The following ACO2 variants were observed in gnomAD, a reference collection of about 807,000 sequenced individuals.
ACO2 encodes the protein aconitate hydratase, mitochondrial.
In ACO2, 31 loss-of-function variants were observed where a neutral mutation model predicts 84.5. The observed-to-expected ratio is 0.37, with a 90% CI of 0.28 to 0.50. ACO2 has a LOEUF of 0.50. Ranked by LOEUF, ACO2 falls within the 20% of genes least tolerant of loss-of-function variation. The pLI is 0.97. For missense variants in ACO2, 685 were observed against 1,029.3 expected, an observed-to-expected ratio of 0.67 and a Z score of 4.58; for synonymous variants, 414 against 412.7, an observed-to-expected ratio of 1.00 and a Z score of -0.04.
intron 2 of ACO2, among the ~76,000 whole-genome samples, chr22:41,503,920 G>T (rs745663658): frequency 1.3e-5 from 2 of 152,102 alleles, no homozygotes; most frequent in Non-Finnish European, 2.9e-5. Context: ...ATGCTAAAAA[G>T]AATTATATTC....
At chr22:41,511,490 C>T (rs1399742379) in intron 3 of ACO2, among the ~76,000 whole-genome samples, 3 of 152,246 alleles carry the variant, frequency 2.0e-5, no homozygotes, top group Admixed American at 2.0e-4. Context: ...TAGGCCAGGG[C>T]CTGCCTCTGC....
chr22:41,494,773 AC>A (rs2066301193), intron 1 of ACO2, among the ~76,000 whole-genome samples: 1 of 134,650 alleles, frequency 7.4e-6, no homozygotes, highest in African/African-American at 2.8e-5. Context: ...TCACTCTGTC[AC>A]CCAGGCTGGA....
At position 41,522,870 on chromosome 22, in the gene ACO2, G is replaced by A. The variant is rs775964844; in HGVS notation, c.1179G>A (p.Met393Ile). 1.2e-6 allele frequency: 2 copies of A among 1,614,206 alleles called. No individual in the cohort carries two copies. Among genetic ancestry groups the A allele is most frequent in the East Asian group, 4.5e-5 (2 of 44,888 alleles). ...GCACCAATTCAAGCTATGAAGATAT[G>A]GGGCGCTCAGCAGCTGTGGCCAAGC... is the stretch of plus-strand genomic sequence containing the variant. ...GSCTNSSYED[M>I]GRSAAVAKQA... The change falls in exon 10 of 18, where the codon ATG (methionine) becomes ATA (isoleucine). Residue 393 changes from methionine (M) to isoleucine (I), a missense_variant. Coordinates refer to ENST00000216254, the MANE Select transcript of ACO2 (RefSeq NM_001098.3).
intron 1 of ACO2, among the ~76,000 whole-genome samples, chr22:41,470,528 C>CTTTTTTTTTTTTTTT (rs71184811): frequency 5.2e-5 from 5 of 95,858 alleles, no homozygotes; most frequent in Admixed American, 1.3e-4. Flanking sequence ...CTCTTTACAT[C>CTTTTTTTTTTTTTTT]TTTTTTTTTT....
At chr22:41,490,193 C>T (rs950691106) in intron 1 of ACO2, among the ~76,000 whole-genome samples, 2 of 151,998 alleles carry the variant, frequency 1.3e-5, no homozygotes, top group African/African-American at 2.4e-5. Flanking sequence ...CGTGGTAGCA[C>T]GTGCCTGTAG....
At chr22:41,528,086 C>T in intron 17 of ACO2, 64 bp downstream of exon 17, 4 of 1,607,960 alleles carry the variant, frequency 2.5e-6, no homozygotes, top group Non-Finnish European at 3.4e-6. Flanking sequence ...TCCCCTCCTG[C>T]ACTGGCCCCA....
chr22:41,483,089 C>T (rs2038108263), intron 1 of ACO2, among the ~76,000 whole-genome samples: 1 of 152,134 alleles, frequency 6.6e-6, no homozygotes, highest in Non-Finnish European at 1.5e-5. Flanking sequence ...CCCCTTTGTT[C>T]CCCAGAAAGT....
intron 1 of ACO2, among the ~76,000 whole-genome samples, chr22:41,488,097 A>C (rs927255963): frequency 3.3e-5 from 5 of 152,122 alleles, no homozygotes; most frequent in African/African-American, 4.8e-5. Context: ...TGAATCTTGC[A>C]CCTAATGTGC....
intron 1 of ACO2, among the ~76,000 whole-genome samples, chr22:41,472,684 C>T (rs893776452): frequency 6.6e-6 from 1 of 152,102 alleles, no homozygotes; most frequent in Non-Finnish European, 1.5e-5. Context: ...TTCCTGGGCT[C>T]AAGCAATCCT....
At chr22:41,528,385 G>A (rs2066648250) in intron 17 of ACO2, 94 bp from the exon 18 acceptor site, 3 of 1,531,606 alleles carry the variant, frequency 2.0e-6, no homozygotes, top group Non-Finnish European at 1.8e-6. Flanking sequence ...GACCTCTTAG[G>A]TCCCCAGGCA....
In ACO2 at chr22:41,476,282, C is replaced by G. The variant is rs151281930; in HGVS notation, c.36+7100C>G. ...ATTAGTCAGGTGTGGTGGCGCATGC[C>G]TGTAATCTCAGTTACTTTGTGGGCT... On this transcript the variant is annotated intron_variant, in intron 1 of 17. Coordinates refer to ENST00000216254, the MANE Select transcript of ACO2 (RefSeq NM_001098.3). Among the ~76,000 whole-genome samples the G allele has an allele frequency of 8.7e-3, 1,316 of 151,594 alleles. 14 individuals carry two copies. Among genetic ancestry groups the G allele is most frequent in the African/African-American group, 0.031 (1,266 of 41,266 alleles).
At chr22:41,488,299 A>T (rs1601889344) in intron 1 of ACO2, among the ~76,000 whole-genome samples, 1 of 152,120 alleles carries the variant, frequency 6.6e-6, no homozygotes, top group Middle Eastern at 3.4e-3. Context: ...GCTTTACCCT[A>T]CCCTAGCAGG....
At position 41,523,186 on chromosome 22, in the gene ACO2, C is replaced by T. The variant is rs765404984; in HGVS notation, c.1297-19C>T. The T allele has an allele frequency of 1.2e-6, 2 of 1,606,824 alleles. No individual in the cohort carries two copies. Among genetic ancestry groups the T allele is most frequent in the Non-Finnish European group, 1.7e-6 (2 of 1,175,594 alleles). On this transcript the variant is annotated intron_variant, in intron 10 of 17. Coordinates refer to ENST00000216254, the MANE Select transcript of ACO2 (RefSeq NM_001098.3). ...CTCTCACCCACCCTTGACATTCTGT[C>T]TTCCTCTCTCCCTGGCAGGCACAGA...
In ACO2 at chr22:41,527,941, C is replaced by T. The variant is rs182234596; in HGVS notation, c.2127C>T (p.Phe709=). ...AACAGGGCCTGCTGCCTCTGACCTTCGCTGACCCGGCTGACTACAACAAGA... is the reference window on the plus strand; with the variant it reads ...AACAGGGCCTGCTGCCTCTGACCTTTGCTGACCCGGCTGACTACAACAAGA... ...LKKQGLLPLT[F]ADPADYNKIH... The change falls in exon 17 of 18, where the codon TTC becomes TTT. Residue 709 remains phenylalanine (F), a synonymous_variant. Coordinates refer to ENST00000216254, the MANE Select transcript of ACO2 (RefSeq NM_001098.3). The T allele has an allele frequency of 3.4e-4, 549 of 1,614,198 alleles. 3 individuals are homozygous for T. The highest frequency in any genetic ancestry group is 3.0e-4 in the Non-Finnish European group (358 of 1,180,030).
rs760196081 is a variant in ACO2 at position 41,469,189 on chromosome 22, G to C, written c.36+7G>C. ...ACTGGTGACTCGGCTGCAGGTGAGC[G>C]AGCTCAGGGACCTCTGGGTTCACGG... On this transcript the variant is annotated splice_region_variant and intron_variant, in intron 1 of 17. Transcript: ENST00000216254. 4 of 1,607,156 alleles carry C rather than the reference G, an allele frequency of 2.5e-6. No individual in the cohort carries two copies. In the Admixed American group the frequency reaches 6.7e-5, roughly 27 times the overall value.
At chr22:41,492,516 A>G (rs2066279036) in intron 1 of ACO2, among the ~76,000 whole-genome samples, 1 of 152,078 alleles carries the variant, frequency 6.6e-6, no homozygotes, top group African/African-American at 2.4e-5. Context: ...GCTTATGCAT[A>G]TAATCCGAAT....
intron 1 of ACO2, among the ~76,000 whole-genome samples, chr22:41,495,891 G>A (rs1292718989): frequency 2.0e-5 from 3 of 151,482 alleles, no homozygotes; most frequent in Admixed American, 6.6e-5. Context: ...GTGAGCCACC[G>A]CGCTCAGCCA....
intron 3 of ACO2, among the ~76,000 whole-genome samples, chr22:41,509,499 G>A (rs1031963602): frequency 9.9e-5 from 15 of 152,138 alleles, no homozygotes; most frequent in Non-Finnish European, 2.2e-4. Context: ...ATAAAAAAGA[G>A]GTCTAATTTA....
At chr22:41,484,666 C>T (rs1025588149) in intron 1 of ACO2, among the ~76,000 whole-genome samples, 1 of 152,000 alleles carries the variant, frequency 6.6e-6, no homozygotes, top group African/African-American at 2.4e-5. Flanking sequence ...TAGTATTTTA[C>T]ATATTACATA....
Sources: allele counts gnomAD v4.1 joint callset (sites outside exome capture counted in the v4.1 genomes callset), GRCh38; gene constraint gnomAD v4.1.1; transcripts MANE v1.5; gene names NCBI Gene and HGNC (gene_info 2026-07-23, HGNC 2026-07-21).